Variants in TOP2A observed in about 807,000 individuals in gnomAD.
TOP2A encodes the protein DNA topoisomerase 2-alpha.
In TOP2A, 68 loss-of-function variants were observed where a neutral mutation model predicts 187.2. The observed-to-expected ratio is 0.36, with a 90% CI of 0.30 to 0.44. TOP2A has a LOEUF of 0.44. TOP2A is among the 20% of genes least tolerant of loss of function. The probability of loss-of-function intolerance (pLI) is 1.00; values close to 1 mark genes in which losing one functional copy is unlikely to be tolerated. For synonymous variants in TOP2A, 542 were observed against 593.2 expected (o/e 0.91, Z 1.25); for missense variants, 1,196 against 1,808.7 (o/e 0.66, Z 6.14).
intron 29 of TOP2A, among the ~76,000 whole-genome samples, chr17:40,392,980 G>A (rs1289570692): frequency 6.6e-6 from 1 of 152,134 alleles, no homozygotes; most frequent in Non-Finnish European, 1.5e-5. Context: ...GCTGGGGCGG[G>A]AGGATTACTT....
chr17:40,400,189 C>G lies in TOP2A; in HGVS notation c.3000+20G>C. On this transcript the variant is annotated intron_variant, in intron 23 of 34. Coordinates refer to ENST00000423485, the MANE Select transcript of TOP2A (RefSeq NM_001067.4). Reference sequence around the variant, plus strand: ...TTAATATAAATTGAAACGTGTACATCTCACAAAACAAATACATACCATAGA... The same window carrying G: ...TTAATATAAATTGAAACGTGTACATGTCACAAAACAAATACATACCATAGA... 1 of 1,611,818 alleles carries G rather than the reference C, an allele frequency of 6.2e-7. No homozygotes were observed. Among genetic ancestry groups the G allele is most frequent in the South Asian group, 1.1e-5 (1 of 91,006 alleles).
chr17:40,411,699 C>T lies in TOP2A; in HGVS notation c.909G>A (p.Met303Ile), dbSNP rs200471658. The change falls in exon 8 of 35, where the codon ATG becomes ATA. Residue 303 changes from methionine (M) to isoleucine (I), a missense_variant. Physicochemically the swap from Met to Ile is conservative, Grantham distance 10. Coordinates refer to ENST00000423485, the MANE Select transcript of TOP2A (RefSeq NM_001067.4). This position sits in a 1 kb window ranked among gnomAD's most constrained non-coding sequence, Gnocchi z 4.4. Reference sequence around the variant, plus strand: ...TAATTTGCTGAAAGCCTTTTTCACTCATAGTTAAACACACTTCCCACCTGT... The same window carrying T: ...TAATTTGCTGAAAGCCTTTTTCACTTATAGTTAAACACACTTCCCACCTGT... ...VNHRWEVCLT[M>I]SEKGFQQISF... is the part of the protein sequence containing the mutation. 99 of 1,612,258 alleles carry T rather than the reference C, an allele frequency of 6.1e-5. No homozygotes were observed. In the East Asian group the frequency reaches 1.9e-3, roughly 31 times the overall value.
rs1436697782 is a variant in TOP2A, at chr17:40,413,414, CACAG to C, written c.478+62_478+65del. On this transcript the variant is annotated intron_variant, in intron 5 of 34. Transcript: ENST00000423485. ...ATTTCCATATCTTTAACCCTCATGCCACAGACAGTCATTTAAATATATATATTTT... is the reference window on the plus strand; with the variant it reads ...ATTTCCATATCTTTAACCCTCATGCCACAGTCATTTAAATATATATATTTT... The C allele has an allele frequency of 7.2e-5, 101 of 1,407,876 alleles. 3 individuals are homozygous for C. In the Middle Eastern group the frequency reaches 1.2e-3, roughly 17 times the overall value. 87.2% of individuals were successfully genotyped at this position (1,407,876 alleles called of 1,614,324 possible).
At chr17:40,389,935 G>A in intron 34 of TOP2A, 30 bp downstream of exon 34, 1 of 1,588,972 alleles carries the variant, frequency 6.3e-7, no homozygotes, top group Non-Finnish European at 8.6e-7. Context: ...AACATCTACA[G>A]CAAAAGGACT....
rs1263960315 is a variant in TOP2A, at chr17:40,395,438, T to C, written c.3811+11A>G. 4 of 1,569,726 alleles carry C rather than the reference T, an allele frequency of 2.5e-6. No homozygotes were observed. The highest frequency in any genetic ancestry group is 2.7e-5 in the African/African-American group (2 of 73,566). ...TCACTTTATACCATTTTTCTAAAAA[T>C]GTTGTAATACCTGGTTCTCTTTTCT... On this transcript the variant is annotated intron_variant, in intron 29 of 34. Coordinates refer to ENST00000423485, the MANE Select transcript of TOP2A (RefSeq NM_001067.4).
chr17:40,409,522 G>A, intron 10 of TOP2A: 1 of 435,170 alleles, frequency 2.3e-6, no homozygotes, highest in Non-Finnish European at 4.6e-6. Context: ...ACTTTAGGAG[G>A]CCGAGGATGG....
intron 3 of TOP2A, 76 bp downstream of exon 3, chr17:40,416,346 T>C: frequency 9.2e-7 from 1 of 1,083,820 alleles, no homozygotes. Flanking sequence ...TACTTTTATC[T>C]TTTTTAAATT....
Position 40,407,603 on chromosome 17 carries a change from A to G in TOP2A, c.1572T>C (p.Asp524=). The change falls in exon 13 of 35, where the codon GAT becomes GAC. Residue 524 remains aspartate (D), a synonymous_variant. Transcript: ENST00000423485. ...VGLQYKKNYE[D]EDSLKTLRYG... ...AACGAAGCGTCTTCAATGAATCTTC[A>G]TCTTCATAGTTTTTCTTGTACTGAA... The G allele has an allele frequency of 1.9e-6, 3 of 1,596,802 alleles. No homozygotes were observed. Among genetic ancestry groups the G allele is most frequent in the Non-Finnish European group, 2.6e-6 (3 of 1,174,828 alleles).
Position 40,393,176 on chromosome 17 carries a change from A to T in TOP2A, c.3812-439T>A, listed in dbSNP as rs2035047710. Among the ~76,000 whole-genome samples the T allele has an allele frequency of 2.0e-5, 3 of 151,766 alleles. No homozygotes were observed. In the South Asian group the frequency reaches 6.3e-4, roughly 32 times the overall value. On this transcript the variant is annotated intron_variant, in intron 29 of 34. Transcript: ENST00000423485. ...ATCTCTACAAAAAATACAGAAATTA[A>T]TGGGCATGGTGGAGTGCGCCTGTGG...
intron 1 of TOP2A, 30 bp from the exon 2 acceptor site, chr17:40,416,925 G>C (rs1182194420): frequency 6.4e-7 from 1 of 1,552,998 alleles, no homozygotes; most frequent in East Asian, 2.2e-5. Flanking sequence ...AGAGAAAGAA[G>C]GGAATTTTTA....
chr17:40,389,368 G>C lies in TOP2A; in HGVS notation c.*151C>G. On this transcript the variant is annotated 3_prime_UTR_variant, in exon 35 of 35. Coordinates refer to ENST00000423485, the MANE Select transcript of TOP2A (RefSeq NM_001067.4). Reference sequence around the variant, plus strand: ...TTAGACAGTATTATAAAAAGCTAAAGAACACTTGGGCTTTACTTCACTTTG... The same window carrying C: ...TTAGACAGTATTATAAAAAGCTAAACAACACTTGGGCTTTACTTCACTTTG... The C allele has an allele frequency of 1.3e-6, 1 of 795,448 alleles. No homozygotes were observed. 49.3% of individuals were successfully genotyped at this position (795,448 alleles called of 1,614,324 possible).
At position 40,392,599 on chromosome 17, in the gene TOP2A, G is replaced by A. The variant is rs749808122; in HGVS notation, c.3950C>T (p.Pro1317Leu). The part of the protein sequence containing the change: ...NFDVPPRETE[P>L]RRAATKTKFT... ...GTTTTCCTTACTTGCTGCTCTCCGTGGCTCTGTTTCTCGTGGAGGGACATC... is the reference window on the plus strand; with the variant it reads ...GTTTTCCTTACTTGCTGCTCTCCGTAGCTCTGTTTCTCGTGGAGGGACATC... Residue 1317 changes from proline (P) to leucine (L), a missense_variant, in exon 30 of 35, where the codon CCA (proline) becomes CTA (leucine). Pro to Leu is a moderately conservative substitution (Grantham distance 98). This residue lies in a region of TOP2A where 374 missense variants were observed against 403.3 expected (regional missense o/e 0.93). Transcript: ENST00000423485. The A allele has an allele frequency of 2.5e-6, 4 of 1,611,790 alleles. No homozygotes were observed. Among genetic ancestry groups the A allele is most frequent in the Non-Finnish European group, 1.7e-6 (2 of 1,179,318 alleles).
At chr17:40,393,618 A>T (rs554396355) in intron 29 of TOP2A, among the ~76,000 whole-genome samples, 33 of 152,352 alleles carry the variant, frequency 2.2e-4, no homozygotes, top group African/African-American at 7.5e-4. Flanking sequence ...GAAGACAAAC[A>T]TTGTAGAAAG....
intron 27 of TOP2A, among the ~76,000 whole-genome samples, chr17:40,398,037 C>T (rs1331716044): frequency 1.3e-5 from 2 of 151,858 alleles, no homozygotes. Flanking sequence ...TTCGGCCTCC[C>T]AAAGTGCTGG....
chr17:40,415,471 G>A (rs905776618), intron 4 of TOP2A, among the ~76,000 whole-genome samples: 57 of 152,260 alleles, frequency 3.7e-4, no homozygotes, highest in African/African-American at 1.2e-3. Context: ...CACCCACTAA[G>A]GGACACCCCG....
chr17:40,407,062 G>A lies in TOP2A; in HGVS notation c.1627-120C>T, dbSNP rs554438036. On this transcript the variant is annotated intron_variant, in intron 13 of 34. Coordinates refer to ENST00000423485, the MANE Select transcript of TOP2A (RefSeq NM_001067.4). ...GCGGATCGCCTGAGGTCAGGCGTTC[G>A]AGACCAGCCTGGCCAACATGGTGAA... is the stretch of plus-strand genomic sequence containing the variant. 7.3e-6 allele frequency: 5 copies of A among 680,320 alleles called. 1 individual carries two copies. Among genetic ancestry groups the A allele is most frequent in the South Asian group, 3.4e-5 (2 of 58,418 alleles). 42.1% of individuals were successfully genotyped at this position (680,320 alleles called of 1,614,324 possible). A position where few individuals can be genotyped will look rare whatever the true frequency, so the allele number is the denominator to read the frequency against.
chr17:40,413,016 C>T (rs1028518365), intron 6 of TOP2A, 45 bp from the exon 7 acceptor site: 3 of 1,506,642 alleles, frequency 2.0e-6, no homozygotes, highest in Non-Finnish European at 2.7e-6. Context: ...CAAGTCATCT[C>T]ACAAACTGGA....
intron 10 of TOP2A, chr17:40,408,915 C>A (rs1008086999): frequency 2.9e-5 from 15 of 521,890 alleles, no homozygotes; most frequent in African/African-American, 2.5e-4. Context: ...ACAAATTAGA[C>A]CAGGCACGGT....
chr17:40,407,527 A>T, intron 13 of TOP2A, 22 bp downstream of exon 13: 2 of 1,531,740 alleles, frequency 1.3e-6, no homozygotes, highest in Non-Finnish European at 1.7e-6. Flanking sequence ...GAACAATCTA[A>T]AAATTTAATA....
Sources: allele counts gnomAD v4.1 joint callset (sites outside exome capture counted in the v4.1 genomes callset), GRCh38; gene constraint gnomAD v4.1.1; regional missense constraint gnomAD v4.1.1; non-coding constraint Gnocchi (gnomAD v3.1); transcripts MANE v1.5; gene names NCBI Gene and HGNC (gene_info 2026-07-23, HGNC 2026-07-21).